Variants in TBC1D1 observed in about 807,000 individuals in gnomAD.
TBC1D1 encodes TBC1 domain family member 1, also known as TBC1 (tre-2/USP6, BUB2, cdc16) domain family, member 1.
TBC1D1 carries 89 observed loss-of-function variants against 125.6 expected under a neutral mutation model. The observed-to-expected ratio is 0.71, with a 90% CI of 0.60 to 0.85. The LOEUF is 0.85. TBC1D1 is among the 40% of genes least tolerant of loss of function. The pLI, the probability that TBC1D1 is intolerant of heterozygous loss-of-function variation, is 0.00. For missense variants in TBC1D1, 1,377 were observed against 1,469.2 expected, an observed-to-expected ratio of 0.94 and a Z score of 1.03; for synonymous variants, 565 against 564.1, an observed-to-expected ratio of 1.00 and a Z score of -0.02.
At position 38,133,260 on chromosome 4, in the gene TBC1D1, A is replaced by C; in HGVS notation, c.3306+3A>C. 1 of 1,608,574 alleles carries C rather than the reference A, an allele frequency of 6.2e-7. No individual in the cohort carries two copies. Among genetic ancestry groups the C allele is most frequent in the Non-Finnish European group, 8.5e-7 (1 of 1,178,212 alleles). On this transcript the variant is annotated splice_donor_region_variant and intron_variant, in intron 19 of 19. Coordinates refer to ENST00000261439, the MANE Select transcript of TBC1D1 (RefSeq NM_015173.4). The stretch of plus-strand genomic sequence containing the variant: ...TTGACCTCCTTGAACAGTTGCAGGT[A>C]GAGCATATTTATAAAGCAGCTTCCT...
intron 2 of TBC1D1, among the ~76,000 whole-genome samples, chr4:37,943,939 C>T (rs1726108132): frequency 6.6e-6 from 1 of 152,164 alleles, no homozygotes; most frequent in Non-Finnish European, 1.5e-5. Context: ...AGCTTTTCTG[C>T]TCTGTTTTTT....
chr4:37,933,445 C>T (rs931688210), intron 2 of TBC1D1, among the ~76,000 whole-genome samples: 4 of 150,812 alleles, frequency 2.7e-5, no homozygotes, highest in African/African-American at 9.7e-5. Context: ...CACACACACA[C>T]ACACACACAC....
intron 15 of TBC1D1, chr4:38,110,289 C>T (rs912702877): frequency 1.2e-4 from 120 of 984,468 alleles, no homozygotes; most frequent in Admixed American, 3.1e-4. Context: ...TTGTGAAAAA[C>T]ACATCCCTGA....
At chr4:38,047,783 G>T (rs899935223) in intron 10 of TBC1D1, among the ~76,000 whole-genome samples, 2 of 152,196 alleles carry the variant, frequency 1.3e-5, no homozygotes, top group Admixed American at 6.5e-5. Context: ...TGAGGGGGCA[G>T]TGATGCTTTT....
intron 2 of TBC1D1, among the ~76,000 whole-genome samples, chr4:37,963,394 T>A (rs1406786520): frequency 3.0e-5 from 1 of 33,260 alleles, no homozygotes; most frequent in African/African-American, 1.2e-4. Context: ...AGAGTTGAGG[T>A]GGGGGGTGAG....
intron 2 of TBC1D1, among the ~76,000 whole-genome samples, chr4:37,991,307 C>T (rs941599775): frequency 6.6e-6 from 1 of 152,198 alleles, no homozygotes; most frequent in Non-Finnish European, 1.5e-5. Context: ...AGAGATTTGG[C>T]TTGGGTGTGG....
intron 2 of TBC1D1, among the ~76,000 whole-genome samples, chr4:37,966,361 G>C (rs948353222): frequency 3.3e-5 from 5 of 152,208 alleles, no homozygotes; most frequent in Non-Finnish European, 4.4e-5. Flanking sequence ...CAAAACTTCT[G>C]TCCTGTTTGG....
intron 19 of TBC1D1, among the ~76,000 whole-genome samples, chr4:38,136,656 A>G (rs1766671792): frequency 6.6e-6 from 1 of 152,166 alleles, no homozygotes; most frequent in Non-Finnish European, 1.5e-5. Flanking sequence ...TCAGCCCGAA[A>G]TCGATTTGTG....
At chr4:37,972,579 A>G (rs950394512) in intron 2 of TBC1D1, among the ~76,000 whole-genome samples, 1 of 151,508 alleles carries the variant, frequency 6.6e-6, no homozygotes, top group Non-Finnish European at 1.5e-5. Context: ...TATTTTTCAG[A>G]TGGGTGGGAG....
Position 38,014,921 on chromosome 4 carries a change from A to C in TBC1D1, c.830A>C (p.His277Pro). 6.3e-7 allele frequency: 1 copy of C among 1,588,274 alleles called. No individual in the cohort carries two copies. The highest frequency in any genetic ancestry group is 8.6e-7 in the Non-Finnish European group (1 of 1,163,876). The change falls in exon 3 of 20, where the codon CAC becomes CCC. Residue 277 changes from histidine (H) to proline (P), a missense_variant. By Grantham distance (77) the His-to-Pro change is moderately conservative (BLOSUM62 -2). This residue lies in a region of TBC1D1 where 822 missense variants were observed against 824.6 expected (regional missense o/e 1.00). Coordinates refer to ENST00000261439, the MANE Select transcript of TBC1D1 (RefSeq NM_015173.4). This position sits in a 1 kb window ranked among gnomAD's most constrained non-coding sequence, Gnocchi z 5.1. ...ATTGAGAACCACCTCATTAGCGGAC[A>C]CAATATTGTGCAGCCCACAGATATC...
At position 38,102,983 on chromosome 4, in the gene TBC1D1, T is replaced by C; in HGVS notation, c.2399-16T>C. 6.2e-7 allele frequency: 1 copy of C among 1,608,950 alleles called. No individual in the cohort carries two copies. The highest frequency in any genetic ancestry group is 1.3e-5 in the African/African-American group (1 of 74,752). On this transcript the variant is annotated splice_polypyrimidine_tract_variant and intron_variant, in intron 14 of 19. Transcript: ENST00000261439. ...CTGTGCATAAATTATTTCCATGTCT[T>C]CTCTCCCTTTTAAAGGTGTGCCACG...
chr4:38,069,140 A>G (rs1396504898), intron 12 of TBC1D1, among the ~76,000 whole-genome samples: 1 of 152,214 alleles, frequency 6.6e-6, no homozygotes, highest in Admixed American at 6.5e-5. Flanking sequence ...TTTAGGGGAA[A>G]GGGGTCCACT....
intron 2 of TBC1D1, among the ~76,000 whole-genome samples, chr4:38,003,106 A>G (rs912923454): frequency 3.3e-5 from 5 of 152,140 alleles, no homozygotes; most frequent in African/African-American, 1.2e-4. Context: ...CTGTTCTGCC[A>G]TTGCCTGGTG....
At chr4:38,027,462 A>G (rs905386953) in intron 6 of TBC1D1, among the ~76,000 whole-genome samples, 1 of 152,072 alleles carries the variant, frequency 6.6e-6, no homozygotes, top group African/African-American at 2.4e-5. Flanking sequence ...GTCTTTTAGT[A>G]GACTAAAAAT....
chr4:38,039,828 T>C (rs1747992867), intron 8 of TBC1D1, among the ~76,000 whole-genome samples: 1 of 152,126 alleles, frequency 6.6e-6, no homozygotes, highest in Non-Finnish European at 1.5e-5. Context: ...TTATTGTCTG[T>C]GAGGGCCAGG....
At chr4:37,961,129 G>A in intron 2 of TBC1D1, 3 of 1,412,278 alleles carry the variant, frequency 2.1e-6, no homozygotes, top group Non-Finnish European at 2.9e-6. Context: ...TAAATATAAA[G>A]TGGGTCATAT....
chr4:38,132,027 T>C (rs1023950829), intron 18 of TBC1D1, among the ~76,000 whole-genome samples: 2 of 152,222 alleles, frequency 1.3e-5, no homozygotes, highest in African/African-American at 4.8e-5. Flanking sequence ...CCAGGGAAGA[T>C]AGGCTAGTTT....
rs558440627 is a variant in TBC1D1 at position 38,006,628 on chromosome 4, G to A, written c.418-7881G>A. ...CGAGTAGCTGGGACTACAGGCATGT[G>A]CCACCACGCCCGGCTAATTTTTTTG... On this transcript the variant is annotated intron_variant, in intron 2 of 19. Transcript: ENST00000261439. 1.1e-4 allele frequency among the ~76,000 whole-genome samples: 16 copies of A among 152,054 alleles called. 1 individual carries two copies. In the South Asian group the frequency reaches 3.1e-3, roughly 30 times the overall value.
chr4:37,988,320 C>G (rs1160105106), intron 2 of TBC1D1, among the ~76,000 whole-genome samples: 1 of 152,158 alleles, frequency 6.6e-6, no homozygotes, highest in African/African-American at 2.4e-5. Context: ...CAAGTCAAGC[C>G]AACTATCTTA....
Sources: allele counts gnomAD v4.1 joint callset (sites outside exome capture counted in the v4.1 genomes callset), GRCh38; gene constraint gnomAD v4.1.1; regional missense constraint gnomAD v4.1.1; non-coding constraint Gnocchi (gnomAD v3.1); transcripts MANE v1.5; gene names NCBI Gene and HGNC (gene_info 2026-07-23, HGNC 2026-07-21).